FSCN2: variants seen among roughly 807,000 people sequenced by gnomAD.
The protein encoded by FSCN2 is fascin-2.
In FSCN2, 46 loss-of-function variants were observed where a neutral mutation model predicts 37.8. That is an observed-to-expected ratio of 1.22 (90% CI 0.96 to 1.56). FSCN2 has a LOEUF of 1.56. Ranked by LOEUF, FSCN2 falls within the 40% of genes most tolerant of loss-of-function variation. The probability of loss-of-function intolerance (pLI) is 0.00; values close to 1 mark genes in which losing one functional copy is unlikely to be tolerated. For synonymous variants in FSCN2, 351 were observed against 309.4 expected, an observed-to-expected ratio of 1.13 and a Z score of -1.41; for missense variants, 844 against 730.4, an observed-to-expected ratio of 1.16 and a Z score of -1.79.
At chr17:81,531,318 A>ATGGTGGTGATGGTGATGATGGTGG (rs781882828) in intron 1 of FSCN2, among the ~76,000 whole-genome samples, 1,991 of 39,568 alleles carry the variant, frequency 0.05, 126 homozygotes, top group African/African-American at 0.17. Context: ...GGTGGTGGTG[A>ATGGTGGTGATGGTGATGATGGTGG]TGATGGTGGT....
chr17:81,531,183 ATGG>A (rs1170464990), intron 1 of FSCN2, among the ~76,000 whole-genome samples: 19 of 116,880 alleles, frequency 1.6e-4, no homozygotes, highest in African/African-American at 3.8e-4. Context: ...GATGGTGATG[ATGG>A]TGGTGATGGT....
upstream of FSCN2, chr17:81,528,347 T>C (rs2032416354): frequency 3.5e-6 from 2 of 575,324 alleles, no homozygotes; most frequent in African/African-American, 4.1e-5. Context: ...GCGGGCCCTC[T>C]AAGAGCTGCC....
the FSCN2 span, among the ~76,000 whole-genome samples, chr17:81,520,515 C>T: frequency 6.6e-6 from 1 of 152,234 alleles, no homozygotes; most frequent in Non-Finnish European, 1.5e-5. Context: ...GGGGGCGTCA[C>T]CAAGCTGGGA....
the FSCN2 span, among the ~76,000 whole-genome samples, chr17:81,522,226 C>T: frequency 2.0e-5 from 3 of 152,276 alleles, no homozygotes; most frequent in South Asian, 6.2e-4. Flanking sequence ...AGGCTGGTCT[C>T]GAACTCCTGA....
upstream of FSCN2, among the ~76,000 whole-genome samples, chr17:81,528,062 TGGGCCGGGCC>T (rs372655621): frequency 6.8e-6 from 1 of 147,096 alleles, no homozygotes; most frequent in African/African-American, 2.5e-5. Context: ...CCGGAAGGGC[TGGGCCGGGCC>T]GGGCCGGGAG....
At chr17:81,525,974 C>G (rs1409332956), upstream of FSCN2, among the ~76,000 whole-genome samples, 5 of 152,202 alleles carry the variant, frequency 3.3e-5, no homozygotes, top group African/African-American at 1.2e-4. Context: ...TTAGCTCACA[C>G]AGCTGGGTCA....
In FSCN2 at chr17:81,536,590, A is replaced by T. The variant is rs1568083289; in HGVS notation, c.1106-32A>T. ...CGGCCTGGACAGGGAAGGTGGCGGG[A>T]GGGGCAGCGCAGCAGACGCTCTCCC... On this transcript the variant is annotated intron_variant, in intron 3 of 4. Coordinates refer to ENST00000417245, the MANE Select transcript of FSCN2 (RefSeq NM_012418.4). 7 of 1,604,358 alleles carry T rather than the reference A, an allele frequency of 4.4e-6. No individual in the cohort carries two copies. In the South Asian group the frequency reaches 7.7e-5, roughly 18 times the overall value.
At position 81,528,977 on chromosome 17, in the gene FSCN2, G is replaced by T. The variant is rs181961770; in HGVS notation, c.446G>T (p.Arg149Leu). ...GCCCACCTGCTGAGCGTGAGCCGGC[G>T]GCGCTACGTGCACCTGTGCCCGCGG... ...PQAHLLSVSRRRYVHLCPRED... is the reference protein window; with the variant it reads ...PQAHLLSVSRLRYVHLCPRED... The change falls in exon 1 of 5, where the codon CGG becomes CTG. Residue 149 changes from arginine to leucine, a missense_variant. By Grantham distance (102) the Arg-to-Leu change is moderately radical. Coordinates refer to ENST00000417245, the MANE Select transcript of FSCN2 (RefSeq NM_012418.4). The T allele has an allele frequency of 6.3e-6, 10 of 1,585,668 alleles. No individual in the cohort carries two copies. Among genetic ancestry groups the T allele is most frequent in the Non-Finnish European group, 7.7e-6 (9 of 1,170,906 alleles).
chr17:81,533,708 G>C (rs896774984), intron 1 of FSCN2, among the ~76,000 whole-genome samples: 1 of 152,232 alleles, frequency 6.6e-6, no homozygotes, highest in Non-Finnish European at 1.5e-5. Context: ...GGTAAAACCA[G>C]TGTTGCCCAG....
At chr17:81,525,373 C>CCAAGATTG (rs2032318592), upstream of FSCN2, among the ~76,000 whole-genome samples, 2 of 146,476 alleles carry the variant, frequency 1.4e-5, no homozygotes, top group African/African-American at 5.2e-5. Context: ...TTGCAGTGAG[C>CCAAGATTG]TGAGATCACG....
chr17:81,528,078 G>A (rs1231551529), upstream of FSCN2, among the ~76,000 whole-genome samples: 14 of 152,172 alleles, frequency 9.2e-5, no homozygotes, highest in East Asian at 1.4e-3. Flanking sequence ...GGGCCGGGCC[G>A]GGAGCCCACA....
rs181961770 is a variant in FSCN2, at chr17:81,528,977, G to C, written c.446G>C (p.Arg149Pro). ...PQAHLLSVSRRRYVHLCPRED... is the reference protein window; with the variant it reads ...PQAHLLSVSRPRYVHLCPRED... ...GCCCACCTGCTGAGCGTGAGCCGGC[G>C]GCGCTACGTGCACCTGTGCCCGCGG... Residue 149 changes from arginine (R) to proline (P), a missense_variant, in exon 1 of 5, where the codon CGG becomes CCG. Arg to Pro is a moderately radical substitution (Grantham distance 103). Coordinates refer to ENST00000417245, the MANE Select transcript of FSCN2 (RefSeq NM_012418.4). 1 of 1,585,666 alleles carries C rather than the reference G, an allele frequency of 6.3e-7. No homozygotes were observed. Among genetic ancestry groups the C allele is most frequent in the Non-Finnish European group, 8.5e-7 (1 of 1,170,904 alleles).
Position 81,528,646 on chromosome 17 carries a change from A to C in FSCN2, c.115A>C (p.Ser39Arg). 6.2e-7 allele frequency: 1 copy of C among 1,603,858 alleles called. No homozygotes were observed. The highest frequency in any genetic ancestry group is 1.1e-5 in the South Asian group (1 of 89,430). ...CTTCAAGGTCAATGCCTCGGCACCC[A>C]GCCTCAAGAGGAAGCAGACCTGGGT... is the stretch of plus-strand genomic sequence containing the variant. The part of the protein sequence containing the change: ...FGFKVNASAP[S>R]LKRKQTWVLE... Residue 39 changes from serine (S) to arginine (R), a missense_variant, in exon 1 of 5, where the codon AGC (serine) becomes CGC (arginine). Transcript: ENST00000417245.
chr17:81,520,644 T>A, the FSCN2 span, among the ~76,000 whole-genome samples: 1 of 152,242 alleles, frequency 6.6e-6, no homozygotes, highest in African/African-American at 2.4e-5. Flanking sequence ...CCTGGGATTT[T>A]GAACGCTTAG....
chr17:81,526,276 T>C (rs2143836378), upstream of FSCN2, among the ~76,000 whole-genome samples: 1 of 152,264 alleles, frequency 6.6e-6, no homozygotes, highest in African/African-American at 2.4e-5. Context: ...GGGGGGACCA[T>C]GGGCACAGCT....
At chr17:81,518,556 G>A in the FSCN2 span, among the ~76,000 whole-genome samples, 118 of 152,322 alleles carry the variant, frequency 7.7e-4, no homozygotes, top group East Asian at 0.017. Flanking sequence ...TAACTCTAGG[G>A]CTGGGAGGGA....
chr17:81,527,682 G>C (rs1019812176), upstream of FSCN2: 1 of 152,362 alleles, frequency 6.6e-6, no homozygotes, highest in African/African-American at 2.4e-5. Context: ...TCACAGCAGA[G>C]GAGGGGGCAG....
At chr17:81,531,218 GATGGTGATA>G (rs2032545713) in intron 1 of FSCN2, among the ~76,000 whole-genome samples, 1 of 139,702 alleles carries the variant, frequency 7.2e-6, no homozygotes, top group East Asian at 2.0e-4. Context: ...TGATGGTGGT[GATGGTGATA>G]ATGGTGATGG....
chr17:81,525,043 C>G (rs1397686559), upstream of FSCN2, among the ~76,000 whole-genome samples: 2 of 152,090 alleles, frequency 1.3e-5, no homozygotes, highest in African/African-American at 4.8e-5. Flanking sequence ...TCGCCGGAGC[C>G]CAGGAGTTCG....
Sources: allele counts gnomAD v4.1 joint callset (sites outside exome capture counted in the v4.1 genomes callset), GRCh38; gene constraint gnomAD v4.1.1; transcripts MANE v1.5; gene names NCBI Gene and HGNC (gene_info 2026-07-23, HGNC 2026-07-21).